Variants in CLMP observed in about 807,000 individuals in gnomAD.
CLMP encodes CXADR like cell adhesion molecule, also known as CXADR-like membrane protein.
In CLMP, 27 loss-of-function variants were observed where a neutral mutation model predicts 45.2. The observed-to-expected ratio is 0.60, with a 90% CI of 0.44 to 0.82. The LOEUF is 0.82. Among genes scored for constraint, CLMP ranks in the 40% least tolerant of loss-of-function variants. The pLI is 0.00. For synonymous variants in CLMP, 167 were observed against 171.4 expected, an observed-to-expected ratio of 0.97 and a Z score of 0.20; for missense variants, 403 against 448.4, an observed-to-expected ratio of 0.90 and a Z score of 0.91.
At chr11:123,102,456 T>A (rs984060162) in intron 1 of CLMP, among the ~76,000 whole-genome samples, 1 of 151,508 alleles carries the variant, frequency 6.6e-6, no homozygotes, top group African/African-American at 2.4e-5. Context: ...AATTTTTGTA[T>A]TTTTAGTAGA....
Position 123,084,592 on chromosome 11 carries a change from G to A in CLMP, c.308C>T (p.Pro103Leu), listed in dbSNP as rs745428396. 6 of 1,614,166 alleles carry A rather than the reference G, an allele frequency of 3.7e-6. No homozygotes were observed. In the South Asian group the frequency reaches 5.5e-5, roughly 15 times the overall value. Residue 103 changes from proline to leucine, a missense_variant, in exon 3 of 7, where the codon CCC becomes CTC. Pro to Leu is a moderately conservative substitution (Grantham distance 98). Coordinates refer to ENST00000448775, the MANE Select transcript of CLMP (RefSeq NM_024769.5). ...DASLQIEPLK[P>L]SDEGRYTCKV... is the part of the protein sequence containing the mutation. ...ACAGGTGTACCGGCCCTCATCACTG[G>A]GCTTCAGAGGTTCAATCTGCAAGGA...
intron 1 of CLMP, among the ~76,000 whole-genome samples, chr11:123,139,022 T>G (rs1861117729): frequency 6.6e-6 from 1 of 152,058 alleles, no homozygotes; most frequent in East Asian, 1.9e-4. Flanking sequence ...ACACATACAT[T>G]GTATAAAATT....
chr11:123,154,150 C>T (rs1861380580), intron 1 of CLMP, among the ~76,000 whole-genome samples: 1 of 152,164 alleles, frequency 6.6e-6, no homozygotes. Context: ...TCAGCTCTTG[C>T]TCTCCATGGC....
rs537923955 is a variant in CLMP at position 123,083,682 on chromosome 11, A to G, written c.554T>C (p.Ile185Thr). 2.0e-5 allele frequency: 33 copies of G among 1,613,966 alleles called. No homozygotes were observed. In the East Asian group the frequency reaches 4.0e-4, roughly 20 times the overall value. ...EDERLPPKSR[I>T]DYNHPGRVLL... ...AGATTGGTAGGAAGATGACTTACCA[A>G]TCCTAGATTTGGGAGGCAGACGTTC... Residue 185 changes from isoleucine to threonine, a missense_variant and splice_region_variant, in exon 4 of 7, where the codon ATT (isoleucine) becomes ACT (threonine). Physicochemically the swap from Ile to Thr is moderately conservative, Grantham distance 89 (BLOSUM62 -1). Coordinates refer to ENST00000448775, the MANE Select transcript of CLMP (RefSeq NM_024769.5).
chr11:123,103,431 A>G (rs1223073414), intron 1 of CLMP, among the ~76,000 whole-genome samples: 2 of 152,220 alleles, frequency 1.3e-5, no homozygotes, highest in African/African-American at 4.8e-5. Flanking sequence ...AAAGGCTCAG[A>G]TTCGTCTGAT....
At chr11:123,140,807 T>G (rs1298120237) in intron 1 of CLMP, among the ~76,000 whole-genome samples, 1 of 152,098 alleles carries the variant, frequency 6.6e-6, no homozygotes, top group Non-Finnish European at 1.5e-5. Flanking sequence ...ATTTAGATGT[T>G]TGGTCCCCTC....
intron 5 of CLMP, 61 bp from the exon 6 acceptor site, chr11:123,074,904 A>C: frequency 6.4e-7 from 1 of 1,551,738 alleles, no homozygotes; most frequent in Non-Finnish European, 8.8e-7. Flanking sequence ...ATATGTTATT[A>C]ACTCAAAAAA....
intron 1 of CLMP, among the ~76,000 whole-genome samples, chr11:123,184,951 G>C (rs1158665458): frequency 6.6e-6 from 1 of 152,168 alleles, no homozygotes; most frequent in Non-Finnish European, 1.5e-5. Flanking sequence ...ACCATAACAT[G>C]CCACAAACTA....
intron 5 of CLMP, among the ~76,000 whole-genome samples, chr11:123,082,631 G>C (rs1448355714): frequency 7.0e-6 from 1 of 143,664 alleles, no homozygotes; most frequent in Non-Finnish European, 1.5e-5. Context: ...TTTTTTTTGA[G>C]AGGGAGTCTC....
In CLMP at chr11:123,083,693, G is replaced by A. The variant is rs1191600329; in HGVS notation, c.543C>T (p.Pro181=). 1 of 1,613,848 alleles carries A rather than the reference G, an allele frequency of 6.2e-7. No homozygotes were observed. The highest frequency in any genetic ancestry group is 8.5e-7 in the Non-Finnish European group (1 of 1,179,956). Residue 181 remains proline, a synonymous_variant, in exon 4 of 7, where the codon CCC becomes CCT. Transcript: ENST00000448775. ...EKEGEDERLP[P]KSRIDYNHPG... is the part of the protein sequence containing the mutation. Reference sequence around the variant, plus strand: ...AAGATGACTTACCAATCCTAGATTTGGGAGGCAGACGTTCATCCTCTCCCT... The same window carrying A: ...AAGATGACTTACCAATCCTAGATTTAGGAGGCAGACGTTCATCCTCTCCCT...
At chr11:123,106,307 T>G (rs1179722896) in intron 1 of CLMP, among the ~76,000 whole-genome samples, 4 of 151,484 alleles carry the variant, frequency 2.6e-5, no homozygotes, top group Non-Finnish European at 4.4e-5. Context: ...CTCTTGTCAG[T>G]GCTTTTCAAT....
At position 123,182,587 on chromosome 11, in the gene CLMP, C is replaced by T. The variant is rs73017873; in HGVS notation, c.28+12326G>A. Among the ~76,000 whole-genome samples, 1,477 of 152,282 alleles carry T rather than the reference C, an allele frequency of 9.7e-3. 16 individuals carry two copies. The highest frequency in any genetic ancestry group is 0.016 in the Non-Finnish European group (1,085 of 68,008). On this transcript the variant is annotated intron_variant, in intron 1 of 6. Coordinates refer to ENST00000448775, the MANE Select transcript of CLMP (RefSeq NM_024769.5). ...GGTCTACTCTTCACCAAGCGTGGTT[C>T]CTATTATATGCTTTACCCTCTGGGC...
chr11:123,159,110 T>C (rs1861451970), intron 1 of CLMP, among the ~76,000 whole-genome samples: 1 of 152,150 alleles, frequency 6.6e-6, no homozygotes, highest in African/African-American at 2.4e-5. Flanking sequence ...CAAAGATCCG[T>C]CAAAGCATTA....
At chr11:123,169,813 A>C (rs1255133015) in intron 1 of CLMP, among the ~76,000 whole-genome samples, 2 of 152,200 alleles carry the variant, frequency 1.3e-5, no homozygotes, top group Non-Finnish European at 2.9e-5. Flanking sequence ...GGACAACTCG[A>C]AGCAGAGGAA....
At chr11:123,073,866 C>A (rs1037193699) in intron 6 of CLMP, 92 bp from the exon 7 acceptor site, 1 of 1,360,160 alleles carries the variant, frequency 7.4e-7, no homozygotes, top group African/African-American at 1.5e-5. Context: ...AAGCTGTGAA[C>A]CTCAGATAAT....
intron 2 of CLMP, among the ~76,000 whole-genome samples, chr11:123,093,207 T>C (rs1865953951): frequency 6.6e-6 from 1 of 151,914 alleles, no homozygotes. Flanking sequence ...CGCCCGGCCA[T>C]CACACACCTA....
At chr11:123,184,938 T>C (rs1336159687) in intron 1 of CLMP, among the ~76,000 whole-genome samples, 1 of 152,132 alleles carries the variant, frequency 6.6e-6, no homozygotes, top group Admixed American at 6.5e-5. Flanking sequence ...AACCCCAAAC[T>C]GTACCATAAC....
intron 1 of CLMP, among the ~76,000 whole-genome samples, chr11:123,142,643 C>T (rs538079087): frequency 1.4e-4 from 12 of 86,126 alleles, no homozygotes; most frequent in East Asian, 7.5e-4. Context: ...TTTTTTGAGA[C>T]GGAGTCTCGC....
At chr11:123,149,656 T>C (rs765670635) in intron 1 of CLMP, among the ~76,000 whole-genome samples, 9 of 152,158 alleles carry the variant, frequency 5.9e-5, no homozygotes, top group Non-Finnish European at 1.0e-4. Flanking sequence ...ACCATAGGGA[T>C]GGAGTGCTGT....
Sources: allele counts gnomAD v4.1 joint callset (sites outside exome capture counted in the v4.1 genomes callset), GRCh38; gene constraint gnomAD v4.1.1; transcripts MANE v1.5; gene names NCBI Gene and HGNC (gene_info 2026-07-23, HGNC 2026-07-21).